Variants in RAB8B observed in about 807,000 individuals in gnomAD.
RAB8B encodes ras-related protein Rab-8B.
RAB8B carries 11 observed loss-of-function variants against 32.0 expected under a neutral mutation model. That is an observed-to-expected ratio of 0.34 (90% CI 0.22 to 0.57). RAB8B has a LOEUF of 0.57. Ranked by LOEUF, RAB8B falls within the 20% of genes least tolerant of loss-of-function variation. RAB8B has a pLI of 0.86. For missense variants in RAB8B, 190 were observed against 258.5 expected (o/e 0.73, Z 1.82); for synonymous variants, 103 against 89.6 (o/e 1.15, Z -0.85).
At position 63,259,117 on chromosome 15, in the gene RAB8B, TTTTA is replaced by T. The variant is rs1007338413; in HGVS notation, c.415-494_415-491del. 2.0e-5 allele frequency among the ~76,000 whole-genome samples: 3 copies of T among 151,820 alleles called. No homozygotes were observed. The highest frequency in any genetic ancestry group is 6.6e-5 in the Admixed American group (1 of 15,250). ...AGAAGTACTTAAATTATTATTATTA[TTTTA>T]TTTATTTATTTATTTTGAGACAGAG... On this transcript the variant is annotated intron_variant, in intron 5 of 7. Coordinates refer to ENST00000321437, the MANE Select transcript of RAB8B (RefSeq NM_016530.3). The surrounding 1 kb of genome is among the most constrained non-coding windows in gnomAD (Gnocchi z 4.4).
intron 1 of RAB8B, among the ~76,000 whole-genome samples, chr15:63,207,753 A>G (rs2037710858): frequency 2.0e-5 from 3 of 151,848 alleles, no homozygotes; most frequent in Non-Finnish European, 2.9e-5. Context: ...TTTAGTAGAG[A>G]CGGGGTTTCA....
intron 1 of RAB8B, among the ~76,000 whole-genome samples, chr15:63,207,490 A>T (rs1025566911): frequency 2.7e-5 from 4 of 148,344 alleles, no homozygotes; most frequent in Non-Finnish European, 6.0e-5. Context: ...TTTAACCCAT[A>T]TTTTTTTTCA....
chr15:63,199,907 A>C (rs147260387), intron 1 of RAB8B, among the ~76,000 whole-genome samples: 27 of 152,244 alleles, frequency 1.8e-4, no homozygotes, highest in African/African-American at 6.3e-4. Flanking sequence ...AAGCACTATT[A>C]CATTTTACAT....
In RAB8B at chr15:63,262,706, T is replaced by C; in HGVS notation, c.495T>C (p.Leu165=). 1.4e-6 allele frequency: 2 copies of C among 1,446,870 alleles called. No homozygotes were observed. Among genetic ancestry groups the C allele is most frequent in the Non-Finnish European group, 1.8e-6 (2 of 1,093,632 alleles). 89.6% of individuals were successfully genotyped at this position (1,446,870 alleles called of 1,614,324 possible). Residue 165 remains leucine (L), a synonymous_variant, in exon 7 of 8, where the codon CTT becomes CTC. Coordinates refer to ENST00000321437, the MANE Select transcript of RAB8B (RefSeq NM_016530.3). ...TTTACCTATAGGCATTTTTTACACTTGCACGAGATATAATGACAAAACTCA... is the reference window on the plus strand; with the variant it reads ...TTTACCTATAGGCATTTTTTACACTCGCACGAGATATAATGACAAAACTCA... ...SANVEEAFFT[L]ARDIMTKLNR...
At chr15:63,214,766 AC>A (rs983165756) in intron 1 of RAB8B, among the ~76,000 whole-genome samples, 5 of 151,836 alleles carry the variant, frequency 3.3e-5, no homozygotes, top group African/African-American at 1.2e-4. Flanking sequence ...GGGGGTTGAA[AC>A]CTGCTTCTGA....
At chr15:63,229,347 T>G (rs951665475) in intron 1 of RAB8B, among the ~76,000 whole-genome samples, 1 of 152,226 alleles carries the variant, frequency 6.6e-6, no homozygotes, top group African/African-American at 2.4e-5. Flanking sequence ...GATTTCCAAA[T>G]GAGTCTTCGG....
rs34415858 is a variant in RAB8B, at chr15:63,214,286, C to CTTTTTTT, written c.124+24555_124+24561dup. On this transcript the variant is annotated intron_variant, in intron 1 of 7. Coordinates refer to ENST00000321437, the MANE Select transcript of RAB8B (RefSeq NM_016530.3). ...GGAAATGGGTACGCTCAGTTTCTTT[C>CTTTTTTT]TTTTTTTTTTTTTTTTTTTTTTTGA... 1.8e-3 allele frequency among the ~76,000 whole-genome samples: 173 copies of CTTTTTTT among 95,638 alleles called. 7 individuals are homozygous for CTTTTTTT. Among genetic ancestry groups the CTTTTTTT allele is most frequent in the East Asian group, 0.017 (36 of 2,078 alleles). 62.7% of individuals were successfully genotyped at this position (95,638 alleles called of 152,430 possible).
At chr15:63,255,702 CCT>C in intron 4 of RAB8B, 118 bp downstream of exon 4, 5 of 768,382 alleles carry the variant, frequency 6.5e-6, no homozygotes, top group East Asian at 2.5e-5. Context: ...CAGGTTGGGC[CCT>C]CTCTCTCTGA....
chr15:63,249,951 A>AGTT (rs999862214), intron 3 of RAB8B, among the ~76,000 whole-genome samples: 6 of 151,674 alleles, frequency 4.0e-5, no homozygotes, highest in Non-Finnish European at 5.9e-5. Context: ...CCTGGCTAAC[A>AGTT]AGGTGAAACC....
At chr15:63,192,775 T>C (rs1190923350) in intron 1 of RAB8B, among the ~76,000 whole-genome samples, 1 of 152,180 alleles carries the variant, frequency 6.6e-6, no homozygotes, top group African/African-American at 2.4e-5. Flanking sequence ...GTCTCAGAGA[T>C]ACTTTCTTCT....
intron 1 of RAB8B, among the ~76,000 whole-genome samples, chr15:63,216,590 C>A (rs1370133275): frequency 6.8e-6 from 1 of 147,998 alleles, no homozygotes; most frequent in East Asian, 2.2e-4. Flanking sequence ...TGGCTTGTCT[C>A]GGTGGCTCAC....
chr15:63,217,260 G>A lies in RAB8B; in HGVS notation c.125-27496G>A, dbSNP rs1290047176. On this transcript the variant is annotated intron_variant, in intron 1 of 7. Coordinates refer to ENST00000321437, the MANE Select transcript of RAB8B (RefSeq NM_016530.3). ...GAATAAGCGTAATGGAGTTAGGATT[G>A]TTCTATATAATTACTTTCTTTTTGT... Among the ~76,000 whole-genome samples, 3 of 152,158 alleles carry A rather than the reference G, an allele frequency of 2.0e-5. No individual in the cohort carries two copies. The East Asian group carries it at 5.8e-4, about 29-fold the overall frequency.
chr15:63,212,680 G>A (rs1434396939), intron 1 of RAB8B, among the ~76,000 whole-genome samples: 1 of 152,200 alleles, frequency 6.6e-6, no homozygotes, highest in Non-Finnish European at 1.5e-5. Context: ...TACGTGATGA[G>A]GAGACAGCCT....
intron 6 of RAB8B, among the ~76,000 whole-genome samples, chr15:63,260,919 A>G (rs746426243): frequency 5.3e-5 from 8 of 152,168 alleles, no homozygotes; most frequent in Non-Finnish European, 1.2e-4. Flanking sequence ...GCCAGTGGAC[A>G]CTGATCAGAA....
intron 1 of RAB8B, among the ~76,000 whole-genome samples, chr15:63,229,493 A>G (rs1313501486): frequency 6.6e-6 from 1 of 152,116 alleles, no homozygotes; most frequent in Non-Finnish European, 1.5e-5. Context: ...TTTCTCCAGT[A>G]TTTGAAAAGA....
Position 63,217,193 on chromosome 15 carries a change from ACTAATGAAAAGATGGTACATACGAGGGC to A in RAB8B, c.124+27452_124+27479del, listed in dbSNP as rs2037800056. Among the ~76,000 whole-genome samples, 27 of 152,330 alleles carry A rather than the reference ACTAATGAAAAGATGGTACATACGAGGGC, an allele frequency of 1.8e-4. No homozygotes were observed. The South Asian group carries it at 5.6e-3, about 32-fold the overall frequency. On this transcript the variant is annotated intron_variant, in intron 1 of 7. Coordinates refer to ENST00000321437, the MANE Select transcript of RAB8B (RefSeq NM_016530.3). ...AGGAATTCAAATGTACTTCGAAGAG[ACTAATGAAAAGATGGTACATACGAGGGC>A]CTAATGGTTTGAGGAATAAGCGTAA...
intron 3 of RAB8B, 122 bp from the exon 4 acceptor site, chr15:63,255,385 C>T: frequency 3.5e-6 from 2 of 576,490 alleles, no homozygotes; most frequent in Non-Finnish European, 5.8e-6. Context: ...TTATTATGAA[C>T]CCTTTTTAAA....
chr15:63,200,164 A>G (rs1470865044), intron 1 of RAB8B, among the ~76,000 whole-genome samples: 2 of 152,216 alleles, frequency 1.3e-5, no homozygotes, highest in Admixed American at 6.5e-5. Flanking sequence ...AACAGTGTCT[A>G]TAAAAGGGTT....
intron 1 of RAB8B, among the ~76,000 whole-genome samples, chr15:63,221,702 G>A (rs994947883): frequency 2.0e-5 from 3 of 152,188 alleles, no homozygotes; most frequent in Non-Finnish European, 4.4e-5. Flanking sequence ...TCTCCTTCAG[G>A]ACCAGAGCAT....
Sources: gnomAD v4.1 joint callset for allele counts (sites outside exome capture counted in the v4.1 genomes callset) on GRCh38, gnomAD v4.1.1 for gene constraint, Gnocchi (gnomAD v3.1) non-coding constraint, MANE v1.5 for transcripts, NCBI Gene and HGNC (gene_info 2026-07-23, HGNC 2026-07-21) for gene names.